OR4D9: variants seen among roughly 807,000 people sequenced by gnomAD.
OR4D9 encodes olfactory receptor family 4 subfamily D member 9, also known as olfactory receptor 4D9.
A neutral mutation model predicts 0.8 loss-of-function variants in OR4D9; 2 were observed. That is an observed-to-expected ratio of 2.58 (90% CI 1.06 to 8.13). OR4D9 has a LOEUF of 8.13. Ranked by LOEUF, OR4D9 falls within the 30% of genes most tolerant of loss-of-function variation. The probability of loss-of-function intolerance (pLI) is 0.04; values close to 1 mark genes in which losing one functional copy is unlikely to be tolerated. For missense variants in OR4D9, 399 were observed against 384.7 expected, an observed-to-expected ratio of 1.04 and a Z score of -0.31; for synonymous variants, 146 against 151.2, an observed-to-expected ratio of 0.97 and a Z score of 0.25.
intron 1 of OR4D9, among the ~76,000 whole-genome samples, chr11:59,513,802 AT>A (rs1459802201): frequency 5.3e-5 from 8 of 152,098 alleles, no homozygotes; most frequent in Non-Finnish European, 8.8e-5. Context: ...GCATAAAAAA[AT>A]AAATAAAAAG....
intron 1 of OR4D9, among the ~76,000 whole-genome samples, chr11:59,514,272 C>T (rs961928390): frequency 6.6e-6 from 1 of 152,244 alleles, no homozygotes; most frequent in African/African-American, 2.4e-5. Flanking sequence ...ATCTTCACCA[C>T]CACTTTTTCA....
chr11:59,511,905 C>A (rs997927926), intron 1 of OR4D9, among the ~76,000 whole-genome samples, 159 bp downstream of exon 1: 1 of 152,160 alleles, frequency 6.6e-6, no homozygotes, highest in African/African-American at 2.4e-5. Flanking sequence ...AGGAGGATGA[C>A]TGCCTTGGAA....
rs1384404242 is a variant in OR4D9 at position 59,514,865 on chromosome 11, C to T, written c.-30-18C>T. On this transcript the variant is annotated intron_variant, in intron 2 of 2. Transcript: ENST00000641962. ...AGGACCTATCAATATTATTTAACTG[C>T]ACTATTATTTCTTCCAGAGATGAAC... is the stretch of plus-strand genomic sequence containing the variant. 4 of 1,175,908 alleles carry T rather than the reference C, an allele frequency of 3.4e-6. No individual in the cohort carries two copies. The highest frequency in any genetic ancestry group is 2.0e-4 in the Middle Eastern group (1 of 4,994). The allele number at this position is 1,175,908 out of a possible 1,614,324, so 72.8% of individuals were successfully genotyped here.
rs767069889 is a variant in OR4D9, at chr11:59,514,969, G to A, written c.57G>A (p.Gln19=). ...AATTTACCTTCCTGGGAATTACTCAGTCCCGAGAACTGAGCCAGGTCTTAT... is the reference window on the plus strand; with the variant it reads ...AATTTACCTTCCTGGGAATTACTCAATCCCGAGAACTGAGCCAGGTCTTAT... ...VKEFTFLGIT[Q]SRELSQVLFT... The change falls in exon 3 of 3, where the codon CAG becomes CAA. Residue 19 remains glutamine (Q), a synonymous_variant. Coordinates refer to ENST00000641962, the MANE Select transcript of OR4D9 (RefSeq NM_001004711.2). 5.2e-5 allele frequency: 84 copies of A among 1,613,912 alleles called. No homozygotes were observed. The Admixed American group carries it at 1.4e-3, about 26-fold the overall frequency.
intron 1 of OR4D9, among the ~76,000 whole-genome samples, chr11:59,513,958 G>A (rs1859365759): frequency 6.6e-6 from 1 of 152,068 alleles, no homozygotes; most frequent in African/African-American, 2.4e-5. Context: ...GCGACAGAGT[G>A]AGACCCTGTC....
intron 1 of OR4D9, among the ~76,000 whole-genome samples, chr11:59,512,249 AAGCT>A (rs111936008): frequency 0.032 from 4,914 of 151,786 alleles, 272 homozygotes; most frequent in African/African-American, 0.11. Context: ...GATACTTGAT[AAGCT>A]TGTTTCCAAA....
At chr11:59,512,969 A>G (rs1265653966) in intron 1 of OR4D9, among the ~76,000 whole-genome samples, 1 of 152,278 alleles carries the variant, frequency 6.6e-6, no homozygotes, top group Non-Finnish European at 1.5e-5. Context: ...TTCTTTAAAC[A>G]TGAGATTAAA....
At chr11:59,513,132 T>C (rs574200761) in intron 1 of OR4D9, among the ~76,000 whole-genome samples, 2 of 152,236 alleles carry the variant, frequency 1.3e-5, no homozygotes, top group African/African-American at 2.4e-5. Flanking sequence ...TGGAGTGCAG[T>C]GGCATGATCT....
rs762462315 is a variant in OR4D9 at position 59,517,481 on chromosome 11, G to A, written c.*1624G>A. The A allele has an allele frequency of 1.3e-5, 2 of 152,124 alleles. No individual in the cohort carries two copies. Among genetic ancestry groups the A allele is most frequent in the African/African-American group, 4.8e-5 (2 of 41,420 alleles). The allele number at this position is 152,124 out of a possible 1,614,324, so 9.4% of individuals were successfully genotyped here. On this transcript the variant is annotated 3_prime_UTR_variant, in exon 3 of 3. Transcript: ENST00000641962. Reference sequence around the variant, plus strand: ...GAGAGGATCCCCAATTCACTTCAAGGACATAATTTCCTCCTAGGAGAAGGA... The same window carrying A: ...GAGAGGATCCCCAATTCACTTCAAGAACATAATTTCCTCCTAGGAGAAGGA...
Position 59,516,275 on chromosome 11 carries a change from A to T in OR4D9, c.*418A>T, listed in dbSNP as rs1418779253. 6.3e-6 allele frequency: 1 copy of T among 158,638 alleles called. No individual in the cohort carries two copies. Among genetic ancestry groups the T allele is most frequent in the Admixed American group, 6.1e-5 (1 of 16,526 alleles). The allele number at this position is 158,638 out of a possible 1,614,324, so 9.8% of individuals were successfully genotyped here. A position where few individuals can be genotyped will look rare whatever the true frequency, so the allele number is the denominator to read the frequency against. Reference sequence around the variant, plus strand: ...GGCAGGCAGATGACCTGAGGTCGGGAGTTCAAGACCAGCCTGACCAACATG... The same window carrying T: ...GGCAGGCAGATGACCTGAGGTCGGGTGTTCAAGACCAGCCTGACCAACATG... On this transcript the variant is annotated 3_prime_UTR_variant, in exon 3 of 3. Transcript: ENST00000641962.
chr11:59,515,268 C>T lies in OR4D9; in HGVS notation c.356C>T (p.Ala119Val), dbSNP rs139740267. The T allele has an allele frequency of 3.2e-5, 52 of 1,612,338 alleles. No homozygotes were observed. The African/African-American group carries it at 3.9e-4, about 12-fold the overall frequency. Reference sequence around the variant, plus strand: ...GACGTTTTTTCTCTCTCTGTGATGGCGTTTGACCGCTATATAGCCATCTCC... The same window carrying T: ...GACGTTTTTTCTCTCTCTGTGATGGTGTTTGACCGCTATATAGCCATCTCC... Reference protein sequence around the residue: ...GADVFSLSVMAFDRYIAISKP... With the variant: ...GADVFSLSVMVFDRYIAISKP... The change falls in exon 3 of 3, where the codon GCG (alanine) becomes GTG (valine). Residue 119 changes from alanine to valine, a missense_variant. Transcript: ENST00000641962.
At chr11:59,513,524 TTAC>T (rs1859358448) in intron 1 of OR4D9, among the ~76,000 whole-genome samples, 1 of 152,214 alleles carries the variant, frequency 6.6e-6, no homozygotes, top group Admixed American at 6.5e-5. Context: ...TCTTATATTA[TTAC>T]GTATAGTGTA....
At position 59,515,741 on chromosome 11, in the gene OR4D9, G is replaced by A; in HGVS notation, c.829G>A (p.Val277Ile). ...TDTAISVTFT[V>I]ISPLLNPIIY... ...CACTGCCATCTCTGTCACCTTCACT[G>A]TCATCTCCCCTTTGCTCAATCCTAT... The change falls in exon 3 of 3, where the codon GTC (valine) becomes ATC (isoleucine). Residue 277 changes from valine (V) to isoleucine (I), a missense_variant. Transcript: ENST00000641962. 2 of 1,613,992 alleles carry A rather than the reference G, an allele frequency of 1.2e-6. No individual in the cohort carries two copies. The highest frequency in any genetic ancestry group is 2.2e-5 in the South Asian group (2 of 91,064).
chr11:59,513,888 T>C, intron 1 of OR4D9, among the ~76,000 whole-genome samples: 1 of 152,164 alleles, frequency 6.6e-6, no homozygotes, highest in East Asian at 1.9e-4. Flanking sequence ...GGAGGATCGC[T>C]TGAGCTCAGG....
In OR4D9 at chr11:59,516,579, C is replaced by T. The variant is rs1240444304; in HGVS notation, c.*722C>T. 1 of 152,162 alleles carries T rather than the reference C, an allele frequency of 6.6e-6. No individual in the cohort carries two copies. Among genetic ancestry groups the T allele is most frequent in the Non-Finnish European group, 1.5e-5 (1 of 68,056 alleles). 9.4% of individuals were successfully genotyped at this position (152,162 alleles called of 1,614,324 possible). A position where few individuals can be genotyped will look rare whatever the true frequency, so the allele number is the denominator to read the frequency against. ...GAGAGTTTCCAAAGACATTTAACAG[C>T]CAGTAGACATTTTCAAGGGGAAAAA... is the stretch of plus-strand genomic sequence containing the variant. On this transcript the variant is annotated 3_prime_UTR_variant, in exon 3 of 3. Coordinates refer to ENST00000641962, the MANE Select transcript of OR4D9 (RefSeq NM_001004711.2).
At position 59,519,052 on chromosome 11, in the gene OR4D9, A is replaced by G. The variant is rs887757118; in HGVS notation, c.*3195A>G. 10 of 152,218 alleles carry G rather than the reference A, an allele frequency of 6.6e-5. No individual in the cohort carries two copies. The highest frequency in any genetic ancestry group is 4.6e-4 in the Admixed American group (7 of 15,270). 9.4% of individuals were successfully genotyped at this position (152,218 alleles called of 1,614,324 possible). On this transcript the variant is annotated 3_prime_UTR_variant, in exon 3 of 3. Transcript: ENST00000641962. ...GTCTATAAAAGGATTCTCTTAATAC[A>G]TAAAAATGTTTGCTACAGGGCTGGC...
intron 1 of OR4D9, among the ~76,000 whole-genome samples, chr11:59,512,098 G>A (rs531908005): frequency 6.6e-6 from 1 of 151,980 alleles, no homozygotes; most frequent in African/African-American, 2.4e-5. Context: ...CAAGAATAAG[G>A]GATTTTCAAA....
intron 1 of OR4D9, among the ~76,000 whole-genome samples, chr11:59,512,290 T>C (rs932214955): frequency 6.9e-6 from 1 of 144,398 alleles, no homozygotes; most frequent in Non-Finnish European, 1.5e-5. Flanking sequence ...GATGATTTTT[T>C]TTCTTTTTTC....
Position 59,517,642 on chromosome 11 carries a change from C to G in OR4D9, c.*1785C>G, listed in dbSNP as rs1247067487. ...GTTAGGAGATCGAGGCCAGCTTGAC[C>G]AACATGGTGAAACCCCATTTCTACT... On this transcript the variant is annotated 3_prime_UTR_variant, in exon 3 of 3. Transcript: ENST00000641962. 2.6e-5 allele frequency: 4 copies of G among 152,112 alleles called. No individual in the cohort carries two copies. The highest frequency in any genetic ancestry group is 9.7e-5 in the African/African-American group (4 of 41,418). The allele number at this position is 152,112 out of a possible 1,614,324, so 9.4% of individuals were successfully genotyped here. A position where few individuals can be genotyped will look rare whatever the true frequency, so the allele number is the denominator to read the frequency against.
Sources: gnomAD v4.1 joint callset for allele counts (sites outside exome capture counted in the v4.1 genomes callset) on GRCh38, gnomAD v4.1.1 for gene constraint, MANE v1.5 for transcripts, NCBI Gene and HGNC (gene_info 2026-07-23, HGNC 2026-07-21) for gene names.